Variants in CSNK2A1 observed in about 807,000 individuals in gnomAD.
CSNK2A1 encodes casein kinase II subunit alpha.
In CSNK2A1, 10 loss-of-function variants were observed where a neutral mutation model predicts 62.9. That is an observed-to-expected ratio of 0.16 (90% CI 0.10 to 0.27). The LOEUF (loss-of-function observed/expected upper bound fraction) is 0.27. CSNK2A1 is among the 10% of genes least tolerant of loss of function. The pLI is 1.00. For missense variants in CSNK2A1, 160 were observed against 492.0 expected, an observed-to-expected ratio of 0.33 and a Z score of 6.38; for synonymous variants, 124 against 167.8, an observed-to-expected ratio of 0.74 and a Z score of 2.02.
At chr20:514,896 C>T (rs2018797012) in intron 2 of CSNK2A1, among the ~76,000 whole-genome samples, 1 of 152,142 alleles carries the variant, frequency 6.6e-6, no homozygotes, top group East Asian at 1.9e-4. Flanking sequence ...TTGTCCATCC[C>T]TTAAATAGAT....
In CSNK2A1 at chr20:478,914, A is replaced by C. The variant is rs189998519; in HGVS notation, c.*5047T>G. 4 of 172,884 alleles carry C rather than the reference A, an allele frequency of 2.3e-5. No individual in the cohort carries two copies. In the Admixed American group the frequency reaches 2.5e-4, roughly 11 times the overall value. The allele number at this position is 172,884 out of a possible 1,614,324, so 10.7% of individuals were successfully genotyped here. On this transcript the variant is annotated 3_prime_UTR_variant, in exon 14 of 14. Transcript: ENST00000217244. Reference sequence around the variant, plus strand: ...TGCACTCTAGCCTGGGTAACAGAGCAAGACCCGTATCAAAAAACAAAACAA... The same window carrying C: ...TGCACTCTAGCCTGGGTAACAGAGCCAGACCCGTATCAAAAAACAAAACAA...
chr20:488,967 T>G, intron 10 of CSNK2A1, 189 bp from the exon 11 acceptor site: 1 of 486,010 alleles, frequency 2.1e-6, no homozygotes, highest in Non-Finnish European at 3.6e-6. Context: ...AACTGGTTTC[T>G]TCCTCTTGAA....
At chr20:487,885 C>A (rs2018133054) in intron 11 of CSNK2A1, 1 of 392,292 alleles carries the variant, frequency 2.5e-6, no homozygotes, top group Non-Finnish European at 4.7e-6. Context: ...GCTCACCAGG[C>A]CTATTTCCCA....
intron 8 of CSNK2A1, 86 bp downstream of exon 8, chr20:495,633 T>G: frequency 8.7e-7 from 1 of 1,150,814 alleles, no homozygotes; most frequent in Non-Finnish European, 1.3e-6. Flanking sequence ...TACTAGGGCC[T>G]GTGACAACAC....
chr20:534,760 G>T (rs2122650346), intron 1 of CSNK2A1, among the ~76,000 whole-genome samples: 1 of 152,024 alleles, frequency 6.6e-6, no homozygotes, highest in Non-Finnish European at 1.5e-5. Flanking sequence ...TGGGTGCAGT[G>T]GCTCACACCT....
intron 13 of CSNK2A1, among the ~76,000 whole-genome samples, chr20:485,103 A>ATACAT (rs2018059131): frequency 7.7e-5 from 2 of 26,122 alleles, no homozygotes; most frequent in African/African-American, 2.4e-4. Context: ...AAAAAAAAAA[A>ATACAT]AAAAAAATAT....
At chr20:497,690 A>T in intron 7 of CSNK2A1, 31 bp downstream of exon 7, 1 of 1,555,646 alleles carries the variant, frequency 6.4e-7, no homozygotes, top group Non-Finnish European at 8.8e-7. Context: ...AGACCAATTT[A>T]AAAAATATTT....
At chr20:485,694 T>C (rs2018082966) in intron 13 of CSNK2A1, among the ~76,000 whole-genome samples, 4 of 152,320 alleles carry the variant, frequency 2.6e-5, no homozygotes, top group South Asian at 4.1e-4. Context: ...TGTACAGAGG[T>C]AGGATACTCA....
chr20:523,770 A>G (rs530321533), intron 2 of CSNK2A1, among the ~76,000 whole-genome samples: 1 of 148,458 alleles, frequency 6.7e-6, no homozygotes, highest in Non-Finnish European at 1.5e-5. Flanking sequence ...GGGCGCCTGT[A>G]GTCCCAACTA....
At chr20:485,111 T>TAATAATAATAATA (rs1568496684) in intron 13 of CSNK2A1, among the ~76,000 whole-genome samples, 1 of 27,774 alleles carries the variant, frequency 3.6e-5, no homozygotes, top group African/African-American at 1.5e-4. Context: ...AAAAAAAAAA[T>TAATAATAATAATA]ATATATATAT....
chr20:516,338 G>A (rs1440547445), intron 2 of CSNK2A1, among the ~76,000 whole-genome samples: 1 of 152,150 alleles, frequency 6.6e-6, no homozygotes, highest in Non-Finnish European at 1.5e-5. Context: ...TATGCTCAAC[G>A]TTTAGCCTAA....
intron 1 of CSNK2A1, among the ~76,000 whole-genome samples, chr20:529,157 T>C: frequency 6.6e-6 from 1 of 151,072 alleles, no homozygotes; most frequent in Non-Finnish European, 1.5e-5. Flanking sequence ...CCCTTGTAGC[T>C]GGGACCACGG....
In CSNK2A1 at chr20:541,720, T is replaced by C. The variant is rs1230709467; in HGVS notation, c.-227+1952A>G. Among the ~76,000 whole-genome samples the C allele has an allele frequency of 2.0e-5, 3 of 152,230 alleles. No individual in the cohort carries two copies. The East Asian group carries it at 5.8e-4, about 29-fold the overall frequency. ...AAATGTGTATTTCTCTTCTCTGTAT[T>C]CCACAAAGGAGTACATAACTAGGCT... is the stretch of plus-strand genomic sequence containing the variant. On this transcript the variant is annotated intron_variant, in intron 1 of 13. Transcript: ENST00000217244.
At chr20:515,180 G>C (rs2018801940) in intron 2 of CSNK2A1, among the ~76,000 whole-genome samples, 1 of 152,202 alleles carries the variant, frequency 6.6e-6, no homozygotes, top group Non-Finnish European at 1.5e-5. Context: ...GTGGAGATCA[G>C]TGGACTAATA....
rs997136304 is a variant in CSNK2A1 at position 510,892 on chromosome 20, AT to A, written c.-109-2233del. ...CTACCACAGCTGGCTAATTAAATAA[AT>A]TTTTTTTTTGTAAAGATGGGGTTTC... On this transcript the variant is annotated intron_variant, in intron 2 of 13. Coordinates refer to ENST00000217244, the MANE Select transcript of CSNK2A1 (RefSeq NM_177559.3). 4.0e-5 allele frequency among the ~76,000 whole-genome samples: 6 copies of A among 148,912 alleles called. No individual in the cohort carries two copies. The East Asian group carries it at 6.1e-4, about 15-fold the overall frequency.
In CSNK2A1 at chr20:482,019, G is replaced by A. The variant is rs1267056953; in HGVS notation, c.*1942C>T. ...TCAGCTCTCCCTACCGTTGAGAAGC[G>A]CTATAAAAGGAGGCTTTAGCGTCCT... is the stretch of plus-strand genomic sequence containing the variant. On this transcript the variant is annotated 3_prime_UTR_variant, in exon 14 of 14. Coordinates refer to ENST00000217244, the MANE Select transcript of CSNK2A1 (RefSeq NM_177559.3). 3 of 152,148 alleles carry A rather than the reference G, an allele frequency of 2.0e-5. No individual in the cohort carries two copies. Among genetic ancestry groups the A allele is most frequent in the South Asian group, 2.1e-4 (1 of 4,824 alleles). 9.4% of individuals were successfully genotyped at this position (152,148 alleles called of 1,614,324 possible). A position where few individuals can be genotyped will look rare whatever the true frequency, so the allele number is the denominator to read the frequency against.
intron 2 of CSNK2A1, among the ~76,000 whole-genome samples, chr20:510,016 A>G (rs894092365): frequency 1.3e-5 from 2 of 152,254 alleles, no homozygotes; most frequent in Non-Finnish European, 2.9e-5. Context: ...GCATAAATGC[A>G]ATACTCTAGA....
chr20:488,602 T>C, intron 11 of CSNK2A1, 76 bp downstream of exon 11: 2 of 1,418,734 alleles, frequency 1.4e-6, no homozygotes, highest in South Asian at 2.3e-5. Flanking sequence ...AACATAACTA[T>C]TTTGAAGATC....
In CSNK2A1 at chr20:478,857, G is replaced by A; in HGVS notation, c.*5104C>T. ...TGGGAGGATCACCTGAGCCTGGGAG[G>A]TTGAGGCTGCAGTGAGCTGTGATGG... On this transcript the variant is annotated 3_prime_UTR_variant, in exon 14 of 14. Transcript: ENST00000217244. The A allele has an allele frequency of 3.8e-6, 1 of 262,044 alleles. No individual in the cohort carries two copies. The highest frequency in any genetic ancestry group is 3.0e-5 in the South Asian group (1 of 32,810). 16.2% of individuals were successfully genotyped at this position (262,044 alleles called of 1,614,324 possible). A position where few individuals can be genotyped will look rare whatever the true frequency, so the allele number is the denominator to read the frequency against.
Sources: allele counts gnomAD v4.1 joint callset (sites outside exome capture counted in the v4.1 genomes callset), GRCh38; gene constraint gnomAD v4.1.1; transcripts MANE v1.5; gene names NCBI Gene and HGNC (gene_info 2026-07-23, HGNC 2026-07-21).